The following NAPG variants were observed in gnomAD, a reference collection of about 807,000 sequenced individuals.
NAPG encodes NSF attachment protein gamma.
In NAPG, 25 loss-of-function variants were observed where a neutral mutation model predicts 48.4. The ratio of observed to expected loss-of-function variants is 0.52; its 90% confidence interval spans 0.38 to 0.72. The LOEUF (loss-of-function observed/expected upper bound fraction) is 0.72. NAPG is among the 30% of genes least tolerant of loss of function. NAPG has a pLI of 0.00. For missense variants in NAPG, 359 were observed against 372.5 expected, an observed-to-expected ratio of 0.96 and a Z score of 0.30; for synonymous variants, 139 against 127.2, an observed-to-expected ratio of 1.09 and a Z score of -0.62.
At chr18:10,526,392 C>T (rs924455457) in intron 1 of NAPG, 50 of 542,638 alleles carry the variant, frequency 9.2e-5, no homozygotes, top group Admixed American at 2.7e-4. Flanking sequence ...AAGTCCGCTC[C>T]CCAGAGCCGG....
chr18:10,530,481 C>A (rs1197813994), intron 1 of NAPG, among the ~76,000 whole-genome samples: 8 of 151,980 alleles, frequency 5.3e-5, no homozygotes, highest in Non-Finnish European at 1.2e-4. Flanking sequence ...ATGGGGTCAA[C>A]AATTTACGAT....
chr18:10,526,238 G>GGGCCTTCCCCC, intron 1 of NAPG, 80 bp downstream of exon 1: 1 of 858,074 alleles, frequency 1.2e-6, no homozygotes, highest in Non-Finnish European at 1.9e-6. Flanking sequence ...CCCGGGGGGG[G>GGGCCTTCCCCC]CGGGAGGGAG....
rs1004474751 is a variant in NAPG at position 10,548,731 on chromosome 18, T to C, written c.666-236T>C. Reference sequence around the variant, plus strand: ...CGGTGTTTAACATGAGCAGTCTTAATCTCAACACTGTTAACATTTGGGCTG... The same window carrying C: ...CGGTGTTTAACATGAGCAGTCTTAACCTCAACACTGTTAACATTTGGGCTG... On this transcript the variant is annotated intron_variant, in intron 10 of 11. Transcript: ENST00000322897. This position sits in a 1 kb window ranked among gnomAD's most constrained non-coding sequence, Gnocchi z 4.4. Among the ~76,000 whole-genome samples, 4 of 152,180 alleles carry C rather than the reference T, an allele frequency of 2.6e-5. No individual in the cohort carries two copies. The highest frequency in any genetic ancestry group is 9.7e-5 in the African/African-American group (4 of 41,442).
intron 2 of NAPG, among the ~76,000 whole-genome samples, chr18:10,531,897 A>G (rs1282291055): frequency 8.5e-5 from 13 of 152,332 alleles, no homozygotes; most frequent in Admixed American, 8.5e-4. Context: ...TGGAAAACCT[A>G]TTTAATCAGA....
rs2031876404 is a variant in NAPG at position 10,529,044 on chromosome 18, A to G, written c.57-1726A>G. ...GGAGAAAAAGGTCAAAAGGACTAAC[A>G]GGTATGGCTGCTAAACCCAAATTAG... On this transcript the variant is annotated intron_variant, in intron 1 of 11. Transcript: ENST00000322897. 3.3e-5 allele frequency among the ~76,000 whole-genome samples: 5 copies of G among 152,374 alleles called. No homozygotes were observed. The South Asian group carries it at 8.3e-4, about 25-fold the overall frequency.
rs1032949832 is a variant in NAPG, at chr18:10,546,293, C to T, written c.507-33C>T. The T allele has an allele frequency of 2.5e-5, 36 of 1,435,236 alleles. No homozygotes were observed. Among genetic ancestry groups the T allele is most frequent in the Middle Eastern group, 1.8e-4 (1 of 5,634 alleles). 88.9% of individuals were successfully genotyped at this position (1,435,236 alleles called of 1,614,324 possible). On this transcript the variant is annotated intron_variant, in intron 8 of 11. Transcript: ENST00000322897. The surrounding 1 kb of genome is among the most constrained non-coding windows in gnomAD (Gnocchi z 4.0). The stretch of plus-strand genomic sequence containing the variant: ...GACCTCTGCTATAGATCATTTAGAC[C>T]TGCTTTTTTTACATTTCTGTGTTTT...
At chr18:10,530,328 A>G (rs1179038038) in intron 1 of NAPG, among the ~76,000 whole-genome samples, 1 of 150,060 alleles carries the variant, frequency 6.7e-6, no homozygotes, top group African/African-American at 2.5e-5. Flanking sequence ...ACATATGCTT[A>G]TGATGCCTCC....
rs1235159835 is a variant in NAPG at position 10,539,817 on chromosome 18, A to G, written c.314A>G (p.Tyr105Cys). 6.2e-7 allele frequency: 1 copy of G among 1,614,048 alleles called. No individual in the cohort carries two copies. ...VQLIEKASMM[Y>C]LENGTPDTAA... ...CTAATTGAGAAGGCCAGCATGATGT[A>G]TCTAGAAAACGGCACCCCAGACACA... The change falls in exon 6 of 12, where the codon TAT becomes TGT. Residue 105 changes from tyrosine (Y) to cysteine (C), a missense_variant. Coordinates refer to ENST00000322897, the MANE Select transcript of NAPG (RefSeq NM_003826.3). This position sits in a 1 kb window ranked among gnomAD's most constrained non-coding sequence, Gnocchi z 4.7.
intron 5 of NAPG, among the ~76,000 whole-genome samples, chr18:10,537,943 G>A (rs528165943): frequency 1.3e-5 from 2 of 152,222 alleles, no homozygotes; most frequent in South Asian, 2.1e-4. Context: ...TAATGAATTT[G>A]TCAACTTAGC....
rs999967713 is a variant in NAPG, at chr18:10,552,707, A to G, written c.*2487A>G. On this transcript the variant is annotated 3_prime_UTR_variant, in exon 12 of 12. Transcript: ENST00000322897. Reference sequence around the variant, plus strand: ...ATATTAAATGTGTTGTTATGGAAATACAGATTATTGCTTCTATAGGAAGAT... The same window carrying G: ...ATATTAAATGTGTTGTTATGGAAATGCAGATTATTGCTTCTATAGGAAGAT... 3.9e-5 allele frequency: 6 copies of G among 152,250 alleles called. No individual in the cohort carries two copies. Among genetic ancestry groups the G allele is most frequent in the Non-Finnish European group, 8.8e-5 (6 of 68,036 alleles). The allele number at this position is 152,250 out of a possible 1,614,324, so 9.4% of individuals were successfully genotyped here.
chr18:10,530,943 A>T lies in NAPG; in HGVS notation c.124+106A>T, dbSNP rs936670148. The T allele has an allele frequency of 1.2e-5, 11 of 901,326 alleles. No homozygotes were observed. In the Middle Eastern group the frequency reaches 1.1e-3, roughly 90 times the overall value. 55.8% of individuals were successfully genotyped at this position (901,326 alleles called of 1,614,324 possible). ...CATATGCTTTCTATAAGGCTTTAAT[A>T]GTTAAAAAACAAACAAAACAACTGT... On this transcript the variant is annotated intron_variant, in intron 2 of 11. Coordinates refer to ENST00000322897, the MANE Select transcript of NAPG (RefSeq NM_003826.3).
chr18:10,547,358 C>T (rs1450182914), intron 9 of NAPG, among the ~76,000 whole-genome samples: 6 of 152,126 alleles, frequency 3.9e-5, no homozygotes, highest in African/African-American at 1.4e-4. Flanking sequence ...CAGTACAATC[C>T]AGAATTACTC....
rs550065539 is a variant in NAPG at position 10,542,463 on chromosome 18, T to G, written c.506+2064T>G. On this transcript the variant is annotated intron_variant, in intron 8 of 11. Coordinates refer to ENST00000322897, the MANE Select transcript of NAPG (RefSeq NM_003826.3). The surrounding 1 kb of genome is among the most constrained non-coding windows in gnomAD (Gnocchi z 4.5). ...TATTGGGAACTTAAATAGTGCAGGA[T>G]AAGAAAAAACATGCAGTGTTTATAG... 6.6e-6 allele frequency among the ~76,000 whole-genome samples: 1 copy of G among 152,226 alleles called. No individual in the cohort carries two copies. Among genetic ancestry groups the G allele is most frequent in the East Asian group, 1.9e-4 (1 of 5,180 alleles).
At chr18:10,535,529 C>T (rs748709321) in intron 5 of NAPG, among the ~76,000 whole-genome samples, 50 of 152,128 alleles carry the variant, frequency 3.3e-4, no homozygotes, top group African/African-American at 1.1e-3. Context: ...GGGAGGCCAA[C>T]GTGGGTGGAT....
At chr18:10,535,103 G>C (rs544121615) in intron 5 of NAPG, among the ~76,000 whole-genome samples, 2 of 152,284 alleles carry the variant, frequency 1.3e-5, no homozygotes, top group East Asian at 3.9e-4. Context: ...TTGAAATGAA[G>C]TATTTGTCTT....
Position 10,550,340 on chromosome 18 carries a change from T to C in NAPG, c.*120T>C. On this transcript the variant is annotated 3_prime_UTR_variant, in exon 12 of 12. Transcript: ENST00000322897. ...TTACAGTCATGATTTTGGATCCTAA[T>C]AAAGACTAGTTTTTAGTTACCATCT... 1 of 1,102,904 alleles carries C rather than the reference T, an allele frequency of 9.1e-7. No homozygotes were observed. 68.3% of individuals were successfully genotyped at this position (1,102,904 alleles called of 1,614,324 possible). A position where few individuals can be genotyped will look rare whatever the true frequency, so the allele number is the denominator to read the frequency against.
chr18:10,526,483 G>C (rs1338268044), intron 1 of NAPG: 1 of 342,514 alleles, frequency 2.9e-6, no homozygotes, highest in Non-Finnish European at 5.4e-6. Flanking sequence ...TGTGGTGGGG[G>C]CTGTCTGTGC....
At chr18:10,528,257 T>C (rs766854728) in intron 1 of NAPG, among the ~76,000 whole-genome samples, 11 of 152,138 alleles carry the variant, frequency 7.2e-5, no homozygotes, top group Non-Finnish European at 1.3e-4. Flanking sequence ...CTTTGACATA[T>C]TCAGTAAACG....
intron 1 of NAPG, among the ~76,000 whole-genome samples, chr18:10,529,136 C>A (rs569785176): frequency 6.6e-6 from 1 of 152,244 alleles, no homozygotes; most frequent in South Asian, 2.1e-4. Flanking sequence ...GTTTTAAACT[C>A]TCTGGGTCTT....
Sources: gnomAD v4.1 joint callset for allele counts (sites outside exome capture counted in the v4.1 genomes callset) on GRCh38, gnomAD v4.1.1 for gene constraint, Gnocchi (gnomAD v3.1) non-coding constraint, MANE v1.5 for transcripts, NCBI Gene and HGNC (gene_info 2026-07-23, HGNC 2026-07-21) for gene names.